The following AKR1E2 variants were observed in gnomAD, a reference collection of about 807,000 sequenced individuals.
AKR1E2 encodes 1,5-anhydro-D-fructose reductase.
Under a neutral mutation model 41.9 loss-of-function variants are expected in AKR1E2, and 43 were observed. The ratio of observed to expected loss-of-function variants is 1.03; its 90% CI spans 0.80 to 1.32. The LOEUF (loss-of-function observed/expected upper bound fraction) is 1.32. AKR1E2 is among the 40% of genes most tolerant of loss of function. AKR1E2 has a pLI of 0.00. For missense variants in AKR1E2, 423 were observed against 396.5 expected, an observed-to-expected ratio of 1.07 and a Z score of -0.57; for synonymous variants, 121 against 138.9, an observed-to-expected ratio of 0.87 and a Z score of 0.91.
chr10:4,865,084 G>C, the AKR1E2 span, among the ~76,000 whole-genome samples: 66 of 151,958 alleles, frequency 4.3e-4, no homozygotes, highest in African/African-American at 1.4e-3. Context: ...GGAACGATGG[G>C]GTGTAAAAAG....
At chr10:4,866,834 G>C in the AKR1E2 span, among the ~76,000 whole-genome samples, 1 of 151,868 alleles carries the variant, frequency 6.6e-6, no homozygotes, top group South Asian at 2.1e-4. Flanking sequence ...GCCTTCTTGT[G>C]CTCGGTCATT....
At chr10:4,855,509 T>C in the AKR1E2 span, among the ~76,000 whole-genome samples, 1 of 152,308 alleles carries the variant, frequency 6.6e-6, no homozygotes, top group South Asian at 2.1e-4. Flanking sequence ...CTTGTAACCA[T>C]GTGGCAGTAC....
At chr10:4,855,757 G>A in the AKR1E2 span, among the ~76,000 whole-genome samples, 1 of 152,210 alleles carries the variant, frequency 6.6e-6, no homozygotes, top group South Asian at 2.1e-4. Context: ...TAATCTTTGG[G>A]AAATAAAGAC....
chr10:4,845,024 T>G (rs1834213763), intron 8 of AKR1E2, among the ~76,000 whole-genome samples: 2 of 152,132 alleles, frequency 1.3e-5, no homozygotes, highest in Admixed American at 1.3e-4. Flanking sequence ...CAGGGGAGGC[T>G]CAGGCATGGC....
chr10:4,845,048 C>T (rs1454718374), intron 8 of AKR1E2, among the ~76,000 whole-genome samples: 1 of 152,170 alleles, frequency 6.6e-6, no homozygotes. Context: ...CTGCAGGTCC[C>T]GAGCCCTGCC....
At chr10:4,861,331 T>A in the AKR1E2 span, among the ~76,000 whole-genome samples, 1 of 152,206 alleles carries the variant, frequency 6.6e-6, no homozygotes, top group South Asian at 2.1e-4. Flanking sequence ...ATATAGAACA[T>A]TTTTTTGGGA....
downstream of AKR1E2, among the ~76,000 whole-genome samples, chr10:4,848,843 T>C (rs1235890373): frequency 6.6e-6 from 1 of 152,206 alleles, no homozygotes; most frequent in East Asian, 1.9e-4. Flanking sequence ...CTGCCTCACC[T>C]CCCAGCCTTC....
downstream of AKR1E2, among the ~76,000 whole-genome samples, chr10:4,851,360 C>G (rs1174213075): frequency 6.6e-6 from 1 of 152,222 alleles, no homozygotes. Context: ...GGATTCTGCT[C>G]TGGGCAGAGA....
intron 2 of AKR1E2, among the ~76,000 whole-genome samples, chr10:4,831,982 A>G (rs1012666676): frequency 2.0e-5 from 3 of 152,222 alleles, no homozygotes; most frequent in African/African-American, 7.2e-5. Flanking sequence ...GAAGGCCTGC[A>G]CTGGCACAGT....
the AKR1E2 span, among the ~76,000 whole-genome samples, chr10:4,868,562 T>C: frequency 5.0e-3 from 761 of 152,296 alleles, 9 homozygotes; most frequent in African/African-American, 0.018. Flanking sequence ...ACTTTTCTTG[T>C]CTTACTGTAT....
At chr10:4,833,293 G>C in intron 2 of AKR1E2, 57 bp from the exon 3 acceptor site, 1 of 1,361,060 alleles carries the variant, frequency 7.3e-7, no homozygotes, top group Non-Finnish European at 1.1e-6. Context: ...GCTACAGAAT[G>C]GGTGCCATGC....
At chr10:4,833,506 C>G (rs777398918) in intron 3 of AKR1E2, 40 bp downstream of exon 3, 1 of 1,536,726 alleles carries the variant, frequency 6.5e-7, no homozygotes, top group Non-Finnish European at 9.0e-7. Context: ...GTTTGCAGGA[C>G]CTTCCTCCCC....
the AKR1E2 span, among the ~76,000 whole-genome samples, chr10:4,857,590 A>T: frequency 4.6e-5 from 7 of 152,230 alleles, no homozygotes; most frequent in Non-Finnish European, 8.8e-5. Context: ...TAAATTACCC[A>T]GTCTCAGGTA....
At chr10:4,847,048 G>A (rs1184907257) in intron 8 of AKR1E2, 100 bp from the exon 9 acceptor site, 8 of 1,272,416 alleles carry the variant, frequency 6.3e-6, no homozygotes, top group Non-Finnish European at 7.7e-6. Context: ...TTACATCTTT[G>A]TGTCCCTTGC....
At chr10:4,842,908 A>G (rs1003132968) in intron 8 of AKR1E2, among the ~76,000 whole-genome samples, 12 of 152,004 alleles carry the variant, frequency 7.9e-5, no homozygotes, top group African/African-American at 2.9e-4. Context: ...CCTCTGTCGC[A>G]TGGAGGCATG....
chr10:4,861,056 G>A, the AKR1E2 span, among the ~76,000 whole-genome samples: 39,258 of 152,004 alleles, frequency 0.26, 5,279 homozygotes, highest in Middle Eastern at 0.37. Flanking sequence ...TATGCTCTTG[G>A]TATGTAATTG....
At chr10:4,870,114 G>C in the AKR1E2 span, among the ~76,000 whole-genome samples, 2 of 151,966 alleles carry the variant, frequency 1.3e-5, no homozygotes, top group African/African-American at 4.8e-5. Flanking sequence ...AGCATTGGTT[G>C]CTATTGGTAT....
At chr10:4,864,569 C>T in the AKR1E2 span, among the ~76,000 whole-genome samples, 2 of 144,458 alleles carry the variant, frequency 1.4e-5, no homozygotes, top group South Asian at 4.3e-4. Context: ...GATGCCCTCT[C>T]TCACCACTCC....
intron 1 of AKR1E2, 87 bp from the exon 2 acceptor site, chr10:4,830,588 A>G (rs1832890737): frequency 2.6e-5 from 38 of 1,487,418 alleles, no homozygotes; most frequent in Middle Eastern, 1.8e-4. Flanking sequence ...TTTATGTATT[A>G]TGTTGTCCAC....
Sources: allele counts gnomAD v4.1 joint callset (sites outside exome capture counted in the v4.1 genomes callset), GRCh38; gene constraint gnomAD v4.1.1; transcripts MANE v1.5; gene names NCBI Gene and HGNC (gene_info 2026-07-23, HGNC 2026-07-21).